The following SYNCRIP variants were observed in gnomAD, a reference collection of about 807,000 sequenced individuals.
SYNCRIP encodes the protein synaptotagmin binding cytoplasmic RNA interacting protein, also known as heterogeneous nuclear ribonucleoprotein Q.
A neutral mutation model predicts 68.9 loss-of-function variants in SYNCRIP; 9 were observed. The ratio of observed to expected loss-of-function variants is 0.13; its 90% CI spans 0.08 to 0.23. SYNCRIP has a LOEUF of 0.23. Among genes scored for constraint, SYNCRIP ranks in the 10% least tolerant of loss-of-function variants. The probability of loss-of-function intolerance (pLI) is 1.00; values close to 1 mark genes in which losing one functional copy is unlikely to be tolerated. For synonymous variants in SYNCRIP, 258 were observed against 254.0 expected (o/e 1.02, Z -0.15); for missense variants, 414 against 770.6 (o/e 0.54, Z 5.48).
At chr6:85,639,922 CAAT>C (rs1222998793) in intron 4 of SYNCRIP, among the ~76,000 whole-genome samples, 1 of 151,930 alleles carries the variant, frequency 6.6e-6, no homozygotes, top group African/African-American at 2.4e-5. Flanking sequence ...TTTCAACTGT[CAAT>C]AAGCTGGCTT....
intron 4 of SYNCRIP, among the ~76,000 whole-genome samples, chr6:85,638,181 G>A (rs1218193890): frequency 6.6e-6 from 1 of 152,004 alleles, no homozygotes; most frequent in Non-Finnish European, 1.5e-5. Flanking sequence ...AGACCAGCCT[G>A]GCCAAGATGG....
chr6:85,630,835 G>A (rs1807687306), intron 6 of SYNCRIP, among the ~76,000 whole-genome samples: 1 of 152,132 alleles, frequency 6.6e-6, no homozygotes, highest in Admixed American at 6.5e-5. Context: ...ATATTCTAAT[G>A]GGAAAAGACA....
intron 4 of SYNCRIP, 28 bp from the exon 5 acceptor site, chr6:85,637,384 A>C (rs769457685): frequency 1.5e-5 from 22 of 1,442,462 alleles, no homozygotes; most frequent in Non-Finnish European, 2.0e-5. Context: ...TCATTAATAC[A>C]TTTAATTCAC....
intron 6 of SYNCRIP, among the ~76,000 whole-genome samples, chr6:85,632,600 A>C (rs1807925807): frequency 6.6e-6 from 1 of 152,242 alleles, no homozygotes; most frequent in African/African-American, 2.4e-5. Context: ...TGTTGTGCTA[A>C]AGCAAATCTA....
In SYNCRIP at chr6:85,614,683, G is replaced by A. The variant is rs1269872576; in HGVS notation, c.*73C>T. ...CTTGCCAGATGTCACAAATTATAGCGGCACCCGTTCAGATTTAGGGTGAGT... is the reference window on the plus strand; with the variant it reads ...CTTGCCAGATGTCACAAATTATAGCAGCACCCGTTCAGATTTAGGGTGAGT... On this transcript the variant is annotated 3_prime_UTR_variant, in exon 11 of 11. Transcript: ENST00000369622. The A allele has an allele frequency of 1.2e-5, 17 of 1,463,480 alleles. No homozygotes were observed. The highest frequency in any genetic ancestry group is 4.9e-5 in the East Asian group (2 of 41,028). 90.7% of individuals were successfully genotyped at this position (1,463,480 alleles called of 1,614,324 possible).
chr6:85,626,472 A>G (rs1479627337), intron 6 of SYNCRIP, among the ~76,000 whole-genome samples: 3 of 152,254 alleles, frequency 2.0e-5, no homozygotes, highest in East Asian at 3.9e-4. Flanking sequence ...TGAGGGGGGG[A>G]ACTGGTATTT....
chr6:85,632,317 G>T (rs1340647966), intron 6 of SYNCRIP, among the ~76,000 whole-genome samples: 1 of 152,100 alleles, frequency 6.6e-6, no homozygotes, highest in Non-Finnish European at 1.5e-5. Flanking sequence ...TGCAAAGGAG[G>T]CATGAGGCAC....
At chr6:85,624,726 G>A (rs147754308) in intron 6 of SYNCRIP, among the ~76,000 whole-genome samples, 15 of 152,222 alleles carry the variant, frequency 9.9e-5, no homozygotes, top group Admixed American at 3.9e-4. Context: ...TTGAATTTTC[G>A]AGTAACCATA....
intron 8 of SYNCRIP, 87 bp from the exon 9 acceptor site, chr6:85,619,504 A>T: frequency 8.1e-7 from 1 of 1,237,530 alleles, no homozygotes; most frequent in Non-Finnish European, 1.1e-6. Context: ...AGTTAACTCA[A>T]ATCACAATCC....
chr6:85,643,412 G>A (rs1441553582), upstream of SYNCRIP: 1 of 152,260 alleles, frequency 6.6e-6, no homozygotes, highest in South Asian at 2.1e-4. Context: ...CTCACCCCTT[G>A]GGTTGGGGGT....
At position 85,641,146 on chromosome 6, in the gene SYNCRIP, T is replaced by A; in HGVS notation, c.148+146A>T. The A allele has an allele frequency of 7.6e-6, 5 of 661,808 alleles. 1 individual carries two copies. The South Asian group carries it at 7.6e-5, about 10-fold the overall frequency. The allele number at this position is 661,808 out of a possible 1,614,324, so 41.0% of individuals were successfully genotyped here. On this transcript the variant is annotated intron_variant, in intron 2 of 10. Transcript: ENST00000369622. ...CCCTCTATACATCTTAACCTCTACT[T>A]CAAACTTAAATTAACCAACTATCAC...
At chr6:85,617,184 C>T (rs1350136241) in intron 10 of SYNCRIP, among the ~76,000 whole-genome samples, 1 of 145,782 alleles carries the variant, frequency 6.9e-6, no homozygotes, top group Non-Finnish European at 1.5e-5. Context: ...GGAATACGTG[C>T]TTAGTTAAAA....
At chr6:85,618,250 T>A (rs565475959) in intron 10 of SYNCRIP, among the ~76,000 whole-genome samples, 63 of 152,028 alleles carry the variant, frequency 4.1e-4, no homozygotes, top group Non-Finnish European at 7.2e-4. Flanking sequence ...AAAGAAAATA[T>A]GTGAGATAGG....
At chr6:85,639,826 G>A (rs956257231) in intron 4 of SYNCRIP, among the ~76,000 whole-genome samples, 6 of 152,050 alleles carry the variant, frequency 3.9e-5, no homozygotes, top group African/African-American at 1.4e-4. Flanking sequence ...GAAGTGGAGG[G>A]CAGCAGGGTT....
At position 85,640,155 on chromosome 6, in the gene SYNCRIP, A is replaced by G. The variant is rs1808961518; in HGVS notation, c.375+66T>C. On this transcript the variant is annotated intron_variant, in intron 4 of 10. Coordinates refer to ENST00000369622, the MANE Select transcript of SYNCRIP (RefSeq NM_006372.5). ...CATACATCCATTTCATACCCAAGGA[A>G]TATTTACCAAAATTAGGAAACAGTT... is the stretch of plus-strand genomic sequence containing the variant. 4.6e-6 allele frequency: 5 copies of G among 1,094,736 alleles called. No homozygotes were observed. In the African/African-American group the frequency reaches 4.7e-5, roughly 10 times the overall value. 67.8% of individuals were successfully genotyped at this position (1,094,736 alleles called of 1,614,324 possible).
chr6:85,637,942 C>T (rs1487547863), intron 4 of SYNCRIP, among the ~76,000 whole-genome samples: 2 of 152,132 alleles, frequency 1.3e-5, no homozygotes, highest in Non-Finnish European at 2.9e-5. Context: ...ACAGCCAAAA[C>T]GACTTTTAAA....
intron 8 of SYNCRIP, 32 bp downstream of exon 8, chr6:85,622,450 T>A: frequency 2.7e-6 from 4 of 1,467,314 alleles, no homozygotes; most frequent in African/African-American, 1.4e-5. Context: ...CATTAATCCC[T>A]CAAAAAATAT....
At position 85,622,537 on chromosome 6, in the gene SYNCRIP, C is replaced by A; in HGVS notation, c.953G>T (p.Gly318Val). 6.2e-7 allele frequency: 1 copy of A among 1,614,142 alleles called. No individual in the cohort carries two copies. The highest frequency in any genetic ancestry group is 8.5e-7 in the Non-Finnish European group (1 of 1,180,020). ...TATAGGATCAGCCCATTCAACAGTT[C>A]CAACATTCCCCCAGACCTTGACTTT... The part of the protein sequence containing the change: ...SGKVKVWGNV[G>V]TVEWADPIED... The change falls in exon 8 of 11, where the codon GGA (glycine) becomes GTA (valine). Residue 318 changes from glycine to valine, a missense_variant. This residue lies in a region of SYNCRIP where 51 missense variants were observed against 151.1 expected (regional missense o/e 0.34). Transcript: ENST00000369622.
intron 1 of SYNCRIP, among the ~76,000 whole-genome samples, chr6:85,642,559 G>A (rs1221839536): frequency 6.6e-6 from 1 of 152,170 alleles, no homozygotes; most frequent in African/African-American, 2.4e-5. Flanking sequence ...CCACGGGACC[G>A]TGGAGGCGCC....
Sources: allele counts gnomAD v4.1 joint callset (sites outside exome capture counted in the v4.1 genomes callset), GRCh38; gene constraint gnomAD v4.1.1; regional missense constraint gnomAD v4.1.1; transcripts MANE v1.5; gene names NCBI Gene and HGNC (gene_info 2026-07-23, HGNC 2026-07-21).